FBXW4: variants seen among roughly 807,000 people sequenced by gnomAD.
The protein encoded by FBXW4 is F-box/WD repeat-containing protein 4.
In FBXW4, 40 loss-of-function variants were observed where a neutral mutation model predicts 61.8. The ratio of observed to expected loss-of-function variants is 0.65; its 90% CI spans 0.50 to 0.84. The LOEUF is 0.84. FBXW4 is among the 40% of genes least tolerant of loss of function. The pLI is 0.00. For missense variants in FBXW4, 672 were observed against 753.8 expected, an observed-to-expected ratio of 0.89 and a Z score of 1.27; for synonymous variants, 311 against 313.8, an observed-to-expected ratio of 0.99 and a Z score of 0.10.
Position 101,667,913 on chromosome 10 carries a change from C to T in FBXW4, c.1208G>A (p.Trp403Ter). ...LHTIQTEDRVWSIAISPLLSS... is the reference protein window; with the variant it reads ...LHTIQTEDRV ...GAGTAATGGGCTGATAGCAATGGAC[C>T]AGACTCGGTCTTCAGTCTGGATGGT... Residue 403 changes from tryptophan (W) to a stop codon, truncating the protein, a stop_gained, in exon 5 of 9, where the codon TGG (tryptophan) becomes TAG (stop). Transcript: ENST00000331272. LOFTEE classifies it high-confidence loss of function. The T allele has an allele frequency of 6.2e-7, 1 of 1,614,162 alleles. No individual in the cohort carries two copies. The highest frequency in any genetic ancestry group is 8.5e-7 in the Non-Finnish European group (1 of 1,180,024).
intron 5 of FBXW4, among the ~76,000 whole-genome samples, chr10:101,628,962 T>C (rs966454206): frequency 2.0e-5 from 3 of 152,206 alleles, no homozygotes; most frequent in African/African-American, 7.2e-5. Context: ...AAACCTGGCA[T>C]CATGCAGACT....
intron 6 of FBXW4, among the ~76,000 whole-genome samples, chr10:101,621,271 A>C (rs2063864748): frequency 6.6e-6 from 1 of 152,234 alleles, no homozygotes; most frequent in Non-Finnish European, 1.5e-5. Flanking sequence ...TTACACCTAT[A>C]ATCCCACAAC....
chr10:101,629,872 A>G (rs1394868467), intron 5 of FBXW4, among the ~76,000 whole-genome samples: 1 of 152,122 alleles, frequency 6.6e-6, no homozygotes, highest in Non-Finnish European at 1.5e-5. Context: ...AAATGACTCC[A>G]CCTGGAAGAA....
rs570013444 is a variant in FBXW4, at chr10:101,673,126, C to G, written c.1008-79G>C. 7 of 1,536,402 alleles carry G rather than the reference C, an allele frequency of 4.6e-6. No individual in the cohort carries two copies. In the South Asian group the frequency reaches 7.4e-5, roughly 16 times the overall value. ...AAGAGAACAACTCTCCAGAAACAGC[C>G]CAAGTCTCCAGTGACATCCAAATTT... is the stretch of plus-strand genomic sequence containing the variant. On this transcript the variant is annotated intron_variant, in intron 3 of 8. Coordinates refer to ENST00000331272, the MANE Select transcript of FBXW4 (RefSeq NM_022039.4).
intron 5 of FBXW4, among the ~76,000 whole-genome samples, chr10:101,663,358 G>A (rs1241772286): frequency 1.3e-5 from 2 of 152,268 alleles, no homozygotes; most frequent in Non-Finnish European, 2.9e-5. Flanking sequence ...AGGTGAAAGG[G>A]TGAGAAGGGA....
chr10:101,665,499 A>G (rs2064289421), intron 5 of FBXW4, among the ~76,000 whole-genome samples: 1 of 152,192 alleles, frequency 6.6e-6, no homozygotes, highest in Middle Eastern at 3.2e-3. Context: ...GGAAGAAAAC[A>G]TAAGGCCTAG....
intron 5 of FBXW4, among the ~76,000 whole-genome samples, chr10:101,637,391 C>CAAAA (rs908050683): frequency 4.0e-4 from 6 of 14,852 alleles, no homozygotes; most frequent in African/African-American, 5.3e-4. Context: ...GACTCCGTCT[C>CAAAA]AAAAAAAAAA....
At chr10:101,662,796 G>A (rs1427354198) in intron 5 of FBXW4, among the ~76,000 whole-genome samples, 1 of 151,932 alleles carries the variant, frequency 6.6e-6, no homozygotes, top group Admixed American at 6.6e-5. Flanking sequence ...TTCACCACAT[G>A]CCCCCCATGG....
At chr10:101,662,567 G>A (rs1371292401) in intron 5 of FBXW4, among the ~76,000 whole-genome samples, 5 of 152,150 alleles carry the variant, frequency 3.3e-5, no homozygotes, top group Middle Eastern at 3.2e-3. Flanking sequence ...TGACAGAAGC[G>A]GGAGAGAAGG....
chr10:101,676,462 C>T (rs1448159894), intron 1 of FBXW4, 26 bp from the exon 2 acceptor site: 1 of 1,580,286 alleles, frequency 6.3e-7, no homozygotes, highest in Non-Finnish European at 8.7e-7. Flanking sequence ...ACAGATAATC[C>T]AATCACTACA....
chr10:101,685,825 T>C (rs1184786519), intron 1 of FBXW4, among the ~76,000 whole-genome samples: 1 of 152,210 alleles, frequency 6.6e-6, no homozygotes, highest in Non-Finnish European at 1.5e-5. Flanking sequence ...TGATAGACAT[T>C]GCTTAGGAAC....
intron 1 of FBXW4, among the ~76,000 whole-genome samples, chr10:101,676,974 C>T (rs978648142): frequency 6.6e-6 from 1 of 152,046 alleles, no homozygotes; most frequent in Admixed American, 6.6e-5. Flanking sequence ...ATACACAAGC[C>T]GTCGTCTGGG....
intron 1 of FBXW4, among the ~76,000 whole-genome samples, chr10:101,691,397 G>A (rs371350391): frequency 3.3e-5 from 5 of 152,198 alleles, no homozygotes; most frequent in East Asian, 1.9e-4. Context: ...CAGAAAACCC[G>A]AGCAGTGACC....
chr10:101,654,266 A>T (rs2064168154), intron 5 of FBXW4, among the ~76,000 whole-genome samples: 1 of 152,280 alleles, frequency 6.6e-6, no homozygotes, highest in South Asian at 2.1e-4. Flanking sequence ...ATCTTCTGAA[A>T]GTGTTAGAAA....
intron 5 of FBXW4, among the ~76,000 whole-genome samples, chr10:101,643,658 G>T (rs1316063120): frequency 1.3e-5 from 2 of 152,058 alleles, no homozygotes; most frequent in Non-Finnish European, 2.9e-5. Flanking sequence ...AAACTTACTG[G>T]GCAGTTGTGA....
intron 6 of FBXW4, among the ~76,000 whole-genome samples, chr10:101,618,941 T>G (rs2063846589): frequency 6.6e-6 from 1 of 151,854 alleles, no homozygotes; most frequent in Non-Finnish European, 1.5e-5. Context: ...AGGGGGTATT[T>G]GTGATGTCAG....
At chr10:101,667,556 G>T (rs1313032955) in intron 5 of FBXW4, among the ~76,000 whole-genome samples, 1 of 152,158 alleles carries the variant, frequency 6.6e-6, no homozygotes, top group Non-Finnish European at 1.5e-5. Context: ...AGAGGCCTCT[G>T]CTTTGAGAAT....
intron 5 of FBXW4, among the ~76,000 whole-genome samples, chr10:101,639,091 C>T (rs1477763392): frequency 6.6e-6 from 1 of 152,222 alleles, no homozygotes. Flanking sequence ...CAACTCCCTG[C>T]AGTTTAATCC....
chr10:101,690,181 T>C (rs1036629426), intron 1 of FBXW4, among the ~76,000 whole-genome samples: 2 of 152,244 alleles, frequency 1.3e-5, no homozygotes, highest in African/African-American at 4.8e-5. Flanking sequence ...TATCAGAATT[T>C]GCAGATAGCG....
Sources: gnomAD v4.1 joint callset for allele counts (sites outside exome capture counted in the v4.1 genomes callset) on GRCh38, gnomAD v4.1.1 for gene constraint, MANE v1.5 for transcripts, NCBI Gene and HGNC (gene_info 2026-07-23, HGNC 2026-07-21) for gene names.